Variants in WDR3 observed in about 807,000 individuals in gnomAD.
WDR3 encodes the protein WD repeat domain 3.
Under a neutral mutation model 123.7 loss-of-function variants are expected in WDR3, and 81 were observed. The ratio of observed to expected loss-of-function variants is 0.65; its 90% CI spans 0.55 to 0.79. WDR3 has a LOEUF of 0.79. Ranked by LOEUF, WDR3 falls within the 30% of genes least tolerant of loss-of-function variation. The pLI is 0.00. For synonymous variants in WDR3, 390 were observed against 388.8 expected, an observed-to-expected ratio of 1.00 and a Z score of -0.04; for missense variants, 1,027 against 1,123.2, an observed-to-expected ratio of 0.91 and a Z score of 1.22.
intron 7 of WDR3, 62 bp downstream of exon 7, chr1:117,941,002 A>AT: frequency 6.3e-7 from 1 of 1,575,102 alleles, no homozygotes; most frequent in Non-Finnish European, 8.7e-7. Context: ...AGAATTGCAG[A>AT]TTTTTAGGGA....
At chr1:117,949,494 T>G (rs1252329144) in intron 13 of WDR3, among the ~76,000 whole-genome samples, 1 of 152,218 alleles carries the variant, frequency 6.6e-6, no homozygotes, top group Non-Finnish European at 1.5e-5. Flanking sequence ...TTCTTCTTGA[T>G]GCTAGATAAT....
chr1:117,940,387 T>C (rs1651098297), intron 6 of WDR3, among the ~76,000 whole-genome samples: 2 of 152,188 alleles, frequency 1.3e-5, no homozygotes, highest in Non-Finnish European at 2.9e-5. Flanking sequence ...GATTAGAAGC[T>C]GTTATTGGCC....
rs1651396898 is a variant in WDR3, at chr1:117,946,715, G to A, written c.1422+536G>A. On this transcript the variant is annotated intron_variant, in intron 12 of 26. Transcript: ENST00000349139. ...CCAGCACTTTGGGAGGCCGAGGCAG[G>A]CGGATCACAAGGTCAGGAGATCGAG... Among the ~76,000 whole-genome samples the A allele has an allele frequency of 2.6e-5, 4 of 152,022 alleles. 1 individual carries two copies. The South Asian group carries it at 8.3e-4, about 32-fold the overall frequency.
chr1:117,952,833 G>T, intron 19 of WDR3, 113 bp from the exon 20 acceptor site: 1 of 1,427,940 alleles, frequency 7.0e-7, no homozygotes, highest in Non-Finnish European at 9.6e-7. Flanking sequence ...CAGAGATAAA[G>T]ATGCCATTAG....
Position 117,952,851 on chromosome 1 carries a change from T to C in WDR3, c.2152-95T>C, listed in dbSNP as rs1328908793. On this transcript the variant is annotated intron_variant, in intron 19 of 26. Coordinates refer to ENST00000349139, the MANE Select transcript of WDR3 (RefSeq NM_006784.3). ...AGATAAAGATGCCATTAGGGTATTA[T>C]GTTGTCAAAGGAGCAGCTTCTCGCT... 7 of 1,490,910 alleles carry C rather than the reference T, an allele frequency of 4.7e-6. No individual in the cohort carries two copies. In the East Asian group the frequency reaches 6.9e-5, roughly 15 times the overall value. 92.4% of individuals were successfully genotyped at this position (1,490,910 alleles called of 1,614,324 possible).
rs1190417370 is a variant in WDR3 at position 117,963,787 on chromosome 1, T to G, written c.*4340T>G. ...GCTTGACAATCAAATTCCCATTTAT[T>G]ACTTACTGTACCTAATGTGGAGAAA... On this transcript the variant is annotated 3_prime_UTR_variant, in exon 27 of 27. Coordinates refer to ENST00000349139, the MANE Select transcript of WDR3 (RefSeq NM_006784.3). 1.3e-6 allele frequency: 2 copies of G among 1,598,222 alleles called. No homozygotes were observed. The highest frequency in any genetic ancestry group is 2.2e-5 in the East Asian group (1 of 44,656).
chr1:117,931,566 A>T (rs774708213), intron 1 of WDR3, among the ~76,000 whole-genome samples: 41 of 152,196 alleles, frequency 2.7e-4, no homozygotes, highest in Non-Finnish European at 5.6e-4. Context: ...TTCAGTAAAT[A>T]TTGGAAACTC....
chr1:117,943,313 C>T (rs568812089), intron 10 of WDR3, 83 bp from the exon 11 acceptor site: 1 of 1,159,854 alleles, frequency 8.6e-7, no homozygotes, highest in Non-Finnish European at 1.2e-6. Context: ...AGATAGAGGA[C>T]ATTGTAAAGC....
intron 4 of WDR3, among the ~76,000 whole-genome samples, chr1:117,937,478 A>G (rs1479912599): frequency 6.6e-6 from 1 of 152,234 alleles, no homozygotes; most frequent in Non-Finnish European, 1.5e-5. Flanking sequence ...ATGACTCAGA[A>G]AAAGCTGTGA....
chr1:117,941,395 A>G (rs1466286507), intron 8 of WDR3, among the ~76,000 whole-genome samples, 170 bp downstream of exon 8: 1 of 152,250 alleles, frequency 6.6e-6, no homozygotes, highest in Non-Finnish European at 1.5e-5. Flanking sequence ...CAACAAAAAT[A>G]TTAATAATTA....
chr1:117,941,307 T>C lies in WDR3; in HGVS notation c.891+82T>C, dbSNP rs545995676. The C allele has an allele frequency of 2.2e-6, 3 of 1,395,206 alleles. No homozygotes were observed. In the South Asian group the frequency reaches 3.7e-5, roughly 17 times the overall value. The allele number at this position is 1,395,206 out of a possible 1,614,324, so 86.4% of individuals were successfully genotyped here. The stretch of plus-strand genomic sequence containing the variant: ...CATTCTTTCATATTCAATGTAAAGA[T>C]GACTTTTTCTTGACTCATGTTAATA... On this transcript the variant is annotated intron_variant, in intron 8 of 26. Coordinates refer to ENST00000349139, the MANE Select transcript of WDR3 (RefSeq NM_006784.3).
chr1:117,953,006 T>C lies in WDR3; in HGVS notation c.2202+10T>C. On this transcript the variant is annotated intron_variant, in intron 20 of 26. Transcript: ENST00000349139. ...AGAAGACCAACCAGCAGTAAGTAAA[T>C]TTTGGGGACCTTGAGATTATGCCCC... 1 of 1,612,846 alleles carries C rather than the reference T, an allele frequency of 6.2e-7. No homozygotes were observed. Among genetic ancestry groups the C allele is most frequent in the Non-Finnish European group, 8.5e-7 (1 of 1,179,212 alleles).
At chr1:117,953,452 C>T in intron 20 of WDR3, 24 bp from the exon 21 acceptor site, 1 of 1,610,464 alleles carries the variant, frequency 6.2e-7, no homozygotes, top group East Asian at 2.2e-5. Flanking sequence ...CAGTGTTATT[C>T]AAGGATTTCT....
intron 11 of WDR3, among the ~76,000 whole-genome samples, chr1:117,945,787 A>G (rs1427121161): frequency 6.6e-6 from 1 of 152,224 alleles, no homozygotes; most frequent in Admixed American, 6.5e-5. Flanking sequence ...GTAATCCTTC[A>G]GACTCACTCA....
intron 11 of WDR3, among the ~76,000 whole-genome samples, chr1:117,945,051 A>G (rs1651320514): frequency 6.6e-6 from 1 of 152,076 alleles, no homozygotes; most frequent in Non-Finnish European, 1.5e-5. Flanking sequence ...TATCAGCTCT[A>G]CCTTCAAAAG....
rs1653256852 is a variant in WDR3, at chr1:117,962,596, G to A, written c.*3149G>A. 6.6e-6 allele frequency: 1 copy of A among 150,582 alleles called. No homozygotes were observed. Among genetic ancestry groups the A allele is most frequent in the Non-Finnish European group, 1.5e-5 (1 of 67,814 alleles). The allele number at this position is 150,582 out of a possible 1,614,324, so 9.3% of individuals were successfully genotyped here. ...TGATGTATTGGGAGTAAAACATTTAGGCTTATTTTTAAAAATGTATATATC... is the reference window on the plus strand; with the variant it reads ...TGATGTATTGGGAGTAAAACATTTAAGCTTATTTTTAAAAATGTATATATC... On this transcript the variant is annotated 3_prime_UTR_variant, in exon 27 of 27. Transcript: ENST00000349139.
intron 3 of WDR3, among the ~76,000 whole-genome samples, chr1:117,936,183 A>G (rs1650939556): frequency 6.6e-6 from 1 of 152,098 alleles, no homozygotes; most frequent in South Asian, 2.1e-4. Flanking sequence ...CTGGTTCTAT[A>G]GATTTACCCA....
At position 117,959,279 on chromosome 1, in the gene WDR3, T is replaced by C. The variant is rs1313725519; in HGVS notation, c.2677-13T>C. ...GGAGAAAATTTTTTAATATTTCTTGTATTGCACTCCAGGATGTTATCGGCT... is the reference window on the plus strand; with the variant it reads ...GGAGAAAATTTTTTAATATTTCTTGCATTGCACTCCAGGATGTTATCGGCT... On this transcript the variant is annotated splice_polypyrimidine_tract_variant and intron_variant, in intron 26 of 26. Transcript: ENST00000349139. The C allele has an allele frequency of 1.1e-5, 17 of 1,605,724 alleles. No individual in the cohort carries two copies. Among genetic ancestry groups the C allele is most frequent in the Non-Finnish European group, 1.4e-5 (17 of 1,177,290 alleles).
At chr1:117,943,669 T>C in intron 11 of WDR3, 43 bp downstream of exon 11, 1 of 1,576,540 alleles carries the variant, frequency 6.3e-7, no homozygotes, top group South Asian at 1.2e-5. Context: ...TAGTAGTATT[T>C]CTTTTAATTT....
Sources: gnomAD v4.1 joint callset for allele counts (sites outside exome capture counted in the v4.1 genomes callset) on GRCh38, gnomAD v4.1.1 for gene constraint, MANE v1.5 for transcripts, NCBI Gene and HGNC (gene_info 2026-07-23, HGNC 2026-07-21) for gene names.